The following WWP1 variants were observed in gnomAD, a reference collection of about 807,000 sequenced individuals.
WWP1 encodes NEDD4-like E3 ubiquitin-protein ligase WWP1.
WWP1 carries 49 observed loss-of-function variants against 130.6 expected under a neutral mutation model. That is an observed-to-expected ratio of 0.38 (90% CI 0.30 to 0.48). The LOEUF is 0.48. WWP1 is among the 20% of genes least tolerant of loss of function. WWP1 has a pLI of 0.99. For missense variants in WWP1, 809 were observed against 1,100.6 expected (o/e 0.74, Z 3.75); for synonymous variants, 332 against 367.8 (o/e 0.90, Z 1.11).
intron 7 of WWP1, among the ~76,000 whole-genome samples, chr8:86,399,935 A>G (rs563640132): frequency 1.3e-5 from 2 of 152,304 alleles, no homozygotes; most frequent in African/African-American, 2.4e-5. Context: ...ATTAATGTTC[A>G]TTCAACAGAT....
intron 20 of WWP1, 134 bp from the exon 21 acceptor site, chr8:86,452,425 C>T (rs376433419): frequency 2.8e-6 from 2 of 725,586 alleles, no homozygotes; most frequent in South Asian, 2.2e-5. Context: ...TACATATACA[C>T]ACACATCACA....
At chr8:86,414,640 G>A (rs1242410279) in intron 9 of WWP1, among the ~76,000 whole-genome samples, 1 of 152,158 alleles carries the variant, frequency 6.6e-6, no homozygotes, top group Non-Finnish European at 1.5e-5. Flanking sequence ...GCTAACAACA[G>A]GATAGGACTA....
At chr8:86,390,851 C>T (rs1448546644) in intron 5 of WWP1, among the ~76,000 whole-genome samples, 1 of 152,090 alleles carries the variant, frequency 6.6e-6, no homozygotes, top group Non-Finnish European at 1.5e-5. Context: ...TTATTGAGGT[C>T]ATTTGTTCCT....
intron 1 of WWP1, among the ~76,000 whole-genome samples, chr8:86,365,063 A>G (rs1176947518): frequency 2.6e-5 from 4 of 152,120 alleles, no homozygotes; most frequent in Non-Finnish European, 5.9e-5. Context: ...CTGGAAAAGA[A>G]GATGTAAAAA....
chr8:86,417,643 C>G (rs6996052), intron 9 of WWP1, among the ~76,000 whole-genome samples: 48,173 of 152,048 alleles, frequency 0.32, 9,167 homozygotes, highest in Middle Eastern at 0.45. Context: ...CAGGATAAAA[C>G]AGAAAAGGGC....
At chr8:86,429,722 T>C (rs1809830069) in intron 11 of WWP1, among the ~76,000 whole-genome samples, 2 of 152,342 alleles carry the variant, frequency 1.3e-5, no homozygotes, top group South Asian at 4.1e-4. Flanking sequence ...ACAAATAATA[T>C]TGCCTCATTT....
chr8:86,439,186 A>T (rs1200930280), intron 17 of WWP1, among the ~76,000 whole-genome samples: 3 of 151,776 alleles, frequency 2.0e-5, no homozygotes, highest in African/African-American at 7.3e-5. Context: ...TACTAAAAAT[A>T]AAAAAAATTA....
intron 9 of WWP1, among the ~76,000 whole-genome samples, chr8:86,413,900 A>G (rs1037418731): frequency 1.3e-5 from 2 of 152,182 alleles, no homozygotes; most frequent in African/African-American, 4.8e-5. Context: ...TAGACAGCTG[A>G]GGAGTTAAGG....
At chr8:86,464,727 G>C (rs2130139494) in intron 24 of WWP1, among the ~76,000 whole-genome samples, 1 of 152,192 alleles carries the variant, frequency 6.6e-6, no homozygotes, top group Non-Finnish European at 1.5e-5. Flanking sequence ...TGTTGTCCCA[G>C]GTGGGTCTTA....
At chr8:86,427,542 T>C in intron 10 of WWP1, 101 bp from the exon 11 acceptor site, 4 of 1,248,268 alleles carry the variant, frequency 3.2e-6, no homozygotes, top group Non-Finnish European at 4.3e-6. Context: ...TTAGTTATTT[T>C]AACATGTCTT....
intron 3 of WWP1, among the ~76,000 whole-genome samples, chr8:86,379,077 T>C (rs1485987893): frequency 2.0e-5 from 3 of 152,228 alleles, no homozygotes; most frequent in African/African-American, 7.2e-5. Context: ...ATACTGACTT[T>C]TCCTTCTTCC....
chr8:86,460,836 GTC>G (rs1554576605), intron 22 of WWP1, among the ~76,000 whole-genome samples: 1 of 100,782 alleles, frequency 9.9e-6, no homozygotes, highest in Non-Finnish European at 1.9e-5. Flanking sequence ...TTGAGACAGA[GTC>G]TTGCTCTGTC....
At chr8:86,413,966 A>G (rs558137560) in intron 9 of WWP1, among the ~76,000 whole-genome samples, 68 of 152,312 alleles carry the variant, frequency 4.5e-4, no homozygotes, top group South Asian at 3.1e-3. Flanking sequence ...ATTCCAGTTC[A>G]AAACAGTAAG....
intron 2 of WWP1, among the ~76,000 whole-genome samples, chr8:86,370,426 G>A (rs931941679): frequency 1.3e-5 from 2 of 152,118 alleles, no homozygotes; most frequent in Non-Finnish European, 2.9e-5. Context: ...TCTTTATTGT[G>A]TGCAGAAATG....
At chr8:86,390,573 A>G (rs1807258500) in intron 5 of WWP1, among the ~76,000 whole-genome samples, 1 of 152,170 alleles carries the variant, frequency 6.6e-6, no homozygotes, top group South Asian at 2.1e-4. Flanking sequence ...GGGCGCCTGC[A>G]ATCCCAGGCA....
chr8:86,364,833 A>AAGAAAGAGAG (rs1491179112), intron 1 of WWP1, among the ~76,000 whole-genome samples: 33 of 113,826 alleles, frequency 2.9e-4, no homozygotes, highest in African/African-American at 9.1e-4. Context: ...GAAAGAAAGA[A>AAGAAAGAGAG]AGAGAGAGAG....
intron 10 of WWP1, among the ~76,000 whole-genome samples, chr8:86,427,320 C>T (rs1300446749): frequency 6.6e-6 from 1 of 152,026 alleles, no homozygotes; most frequent in African/African-American, 2.4e-5. Flanking sequence ...ATAGCTGCAG[C>T]AAACGACCAT....
intron 8 of WWP1, among the ~76,000 whole-genome samples, chr8:86,409,278 G>T (rs1200344166): frequency 7.4e-5 from 10 of 134,474 alleles, no homozygotes; most frequent in Non-Finnish European, 1.5e-4. Flanking sequence ...CTTTTGCCCA[G>T]GTTGGAGTAC....
intron 8 of WWP1, among the ~76,000 whole-genome samples, chr8:86,408,369 GGAGT>G (rs1489300745): frequency 6.6e-6 from 1 of 152,160 alleles, no homozygotes; most frequent in African/African-American, 2.4e-5. Flanking sequence ...GTTGGATTGA[GGAGT>G]GAGACTGGTG....
Sources: gnomAD v4.1 joint callset for allele counts (sites outside exome capture counted in the v4.1 genomes callset) on GRCh38, gnomAD v4.1.1 for gene constraint, MANE v1.5 for transcripts, NCBI Gene and HGNC (gene_info 2026-07-23, HGNC 2026-07-21) for gene names.